Variants in LRMDA observed in about 807,000 individuals in gnomAD.
LRMDA encodes leucine rich melanocyte differentiation associated.
LRMDA carries 18 observed loss-of-function variants against 29.8 expected under a neutral mutation model. The observed-to-expected ratio is 0.60, with a 90% CI of 0.42 to 0.90. The LOEUF (loss-of-function observed/expected upper bound fraction) is 0.90. LRMDA is among the 40% of genes least tolerant of loss of function. LRMDA has a pLI of 0.00. For synonymous variants in LRMDA, 125 were observed against 109.4 expected (o/e 1.14, Z -0.89); for missense variants, 273 against 273.9 (o/e 1.00, Z 0.02).
At chr10:75,732,237 A>G (rs974201117) in intron 2 of LRMDA, among the ~76,000 whole-genome samples, 3 of 152,138 alleles carry the variant, frequency 2.0e-5, no homozygotes, top group East Asian at 1.9e-4. Context: ...GTAAATCTGG[A>G]TACCTAACGA....
At chr10:76,231,156 A>T (rs1210449052) in intron 5 of LRMDA, among the ~76,000 whole-genome samples, 7 of 152,154 alleles carry the variant, frequency 4.6e-5, no homozygotes, top group Admixed American at 1.3e-4. Flanking sequence ...AGAAAGAAAG[A>T]AAAAAGAAAA....
intron 6 of LRMDA, among the ~76,000 whole-genome samples, chr10:76,463,051 C>G (rs1447731792): frequency 2.0e-5 from 3 of 152,084 alleles, no homozygotes; most frequent in Non-Finnish European, 4.4e-5. Flanking sequence ...TCCATGGGGT[C>G]CCTTGGTTAG....
intron 5 of LRMDA, among the ~76,000 whole-genome samples, chr10:76,086,841 G>A (rs765671314): frequency 1.2e-4 from 19 of 152,088 alleles, no homozygotes; most frequent in Non-Finnish European, 2.5e-4. Context: ...CTGTGTACAG[G>A]GCATCTCAGT....
At chr10:75,658,418 A>G (rs1017603724) in intron 2 of LRMDA, among the ~76,000 whole-genome samples, 1 of 152,144 alleles carries the variant, frequency 6.6e-6, no homozygotes. Flanking sequence ...AAGGAAAAAG[A>G]GGGTAAATTA....
intron 2 of LRMDA, among the ~76,000 whole-genome samples, chr10:75,713,116 T>G (rs10762678): frequency 0.88 from 133,754 of 152,206 alleles, 59,116 homozygotes; most frequent in East Asian, 0.99. Context: ...CTTTACCCAG[T>G]CTGTGCATAT....
intron 2 of LRMDA, among the ~76,000 whole-genome samples, chr10:75,561,319 C>T (rs989165901): frequency 2.3e-4 from 34 of 149,210 alleles, no homozygotes; most frequent in East Asian, 1.4e-3. Context: ...AGTTTATTTG[C>T]GTAGAGGTGT....
intron 6 of LRMDA, among the ~76,000 whole-genome samples, chr10:76,342,467 G>C (rs918155991): frequency 6.6e-6 from 1 of 151,918 alleles, no homozygotes; most frequent in Non-Finnish European, 1.5e-5. Flanking sequence ...TTAAGCATCT[G>C]ACTCAAAAAC....
chr10:75,856,841 G>A (rs149667821), intron 2 of LRMDA, among the ~76,000 whole-genome samples: 1 of 152,256 alleles, frequency 6.6e-6, no homozygotes, highest in Admixed American at 6.5e-5. Context: ...GGGCAATCAG[G>A]CAGGAGAAGG....
At chr10:75,507,205 C>G (rs1371774558) in intron 2 of LRMDA, among the ~76,000 whole-genome samples, 1 of 151,692 alleles carries the variant, frequency 6.6e-6, no homozygotes, top group Non-Finnish European at 1.5e-5. Context: ...AGCGTACAAC[C>G]AACAAAACAG....
At chr10:76,060,204 C>T (rs911927058) in intron 5 of LRMDA, among the ~76,000 whole-genome samples, 1 of 152,202 alleles carries the variant, frequency 6.6e-6, no homozygotes, top group Non-Finnish European at 1.5e-5. Context: ...CCCTACATAT[C>T]TCACCTTCTT....
intron 3 of LRMDA, among the ~76,000 whole-genome samples, chr10:76,036,603 T>C (rs1217433956): frequency 6.6e-6 from 1 of 152,044 alleles, no homozygotes; most frequent in Non-Finnish European, 1.5e-5. Flanking sequence ...GGGGAACCGT[T>C]TTGGTGAGGG....
intron 2 of LRMDA, among the ~76,000 whole-genome samples, chr10:75,598,616 C>T (rs1296830917): frequency 6.6e-6 from 1 of 152,036 alleles, no homozygotes; most frequent in Non-Finnish European, 1.5e-5. Context: ...TGTTTAAAAG[C>T]ATCTTCATTC....
chr10:76,492,084 C>T (rs918361520), intron 6 of LRMDA, among the ~76,000 whole-genome samples: 4 of 151,996 alleles, frequency 2.6e-5, no homozygotes, highest in African/African-American at 9.7e-5. Flanking sequence ...TGATAAAATT[C>T]TGAATTCCTT....
intron 6 of LRMDA, among the ~76,000 whole-genome samples, chr10:76,517,939 C>CATATATATATATATATAAACAT (rs1554825341): frequency 9.0e-5 from 13 of 144,252 alleles, no homozygotes; most frequent in Non-Finnish European, 1.7e-4. Context: ...TATATATAAA[C>CATATATATATATATATAAACAT]ATATATATAT....
chr10:75,863,003 A>T (rs1001400938), intron 2 of LRMDA, among the ~76,000 whole-genome samples: 1 of 152,122 alleles, frequency 6.6e-6, no homozygotes, highest in Non-Finnish European at 1.5e-5. Flanking sequence ...TGGCTTATAA[A>T]AAAAAAAGCC....
intron 6 of LRMDA, among the ~76,000 whole-genome samples, chr10:76,373,770 G>A (rs982868624): frequency 1.3e-5 from 2 of 152,092 alleles, no homozygotes; most frequent in African/African-American, 4.8e-5. Flanking sequence ...ATGATAAGAT[G>A]ATGGGCTTTA....
chr10:75,699,059 G>C (rs2132167995), intron 2 of LRMDA, among the ~76,000 whole-genome samples: 1 of 152,148 alleles, frequency 6.6e-6, no homozygotes, highest in South Asian at 2.1e-4. Context: ...AAAATAGTCA[G>C]GTGTGGTGGT....
intron 2 of LRMDA, among the ~76,000 whole-genome samples, chr10:76,023,777 C>T (rs1848016069): frequency 6.6e-6 from 1 of 152,220 alleles, no homozygotes; most frequent in Non-Finnish European, 1.5e-5. Context: ...GATTCTGAAA[C>T]ATATCACTAT....
intron 6 of LRMDA, among the ~76,000 whole-genome samples, chr10:76,460,263 C>T (rs1842498816): frequency 1.3e-5 from 2 of 152,236 alleles, no homozygotes. Context: ...TAACCTGCAT[C>T]AGGATCACCC....
Sources: allele counts gnomAD v4.1 joint callset (sites outside exome capture counted in the v4.1 genomes callset), GRCh38; gene constraint gnomAD v4.1.1; transcripts MANE v1.5; gene names NCBI Gene and HGNC (gene_info 2026-07-23, HGNC 2026-07-21).